GOT1L1: variants seen among roughly 807,000 people sequenced by gnomAD.
GOT1L1 encodes the protein glutamic-oxaloacetic transaminase 1 like 1.
A neutral mutation model predicts 43.6 loss-of-function variants in GOT1L1; 38 were observed. The ratio of observed to expected loss-of-function variants is 0.87; its 90% CI spans 0.67 to 1.14. GOT1L1 has a LOEUF of 1.14. GOT1L1 is among the 50% of genes most tolerant of loss of function. The pLI is 0.00. For missense variants in GOT1L1, 482 were observed against 504.0 expected, an observed-to-expected ratio of 0.96 and a Z score of 0.42; for synonymous variants, 183 against 187.2, an observed-to-expected ratio of 0.98 and a Z score of 0.18.
chr8:37,937,583 G>A, intron 3 of GOT1L1, 55 bp downstream of exon 3: 3 of 1,291,266 alleles, frequency 2.3e-6, no homozygotes, highest in Non-Finnish European at 3.3e-6. Context: ...AATGGGGTGA[G>A]GATTAGGAAC....
chr8:37,939,996 G>A lies in GOT1L1; in HGVS notation c.34C>T (p.Leu12Phe). 1 of 1,613,442 alleles carries A rather than the reference G, an allele frequency of 6.2e-7. No individual in the cohort carries two copies. Among genetic ancestry groups the A allele is most frequent in the Non-Finnish European group, 8.5e-7 (1 of 1,179,524 alleles). ...PTLSVFMDVP[L>F]AHKLEGSLLK... ...AAGCTGCCCTCTAGCTTGTGGGCGA[G>A]GGGCACATCCATGAACACTGAAAGG... Residue 12 changes from leucine (L) to phenylalanine (F), a missense_variant, in exon 1 of 9, where the codon CTC becomes TTC. Coordinates refer to ENST00000307599, the MANE Select transcript of GOT1L1 (RefSeq NM_152413.3).
rs1184969475 is a variant in GOT1L1, at chr8:37,939,432, ATATATATATATAT to A, written c.115+470_115+482del. Among the ~76,000 whole-genome samples, 483 of 65,484 alleles carry A rather than the reference ATATATATATATAT, an allele frequency of 7.4e-3. 46 individuals are homozygous for A. Among genetic ancestry groups the A allele is most frequent in the African/African-American group, 0.022 (346 of 16,000 alleles). The allele number at this position is 65,484 out of a possible 152,430, so 43.0% of individuals were successfully genotyped here. On this transcript the variant is annotated intron_variant, in intron 1 of 8. Coordinates refer to ENST00000307599, the MANE Select transcript of GOT1L1 (RefSeq NM_152413.3). ...CTGTCTCAAGAAAAAAAAAAAAAAA[ATATATATATATAT>A]ATATATATATATATATATATATATA...
chr8:37,939,416 G>GAAA (rs4058283), intron 1 of GOT1L1, among the ~76,000 whole-genome samples: 253 of 21,326 alleles, frequency 0.012, 19 homozygotes, highest in Admixed American at 0.021. Context: ...CCTGTCTCAA[G>GAAA]AAAAAAAAAA....
At chr8:37,939,435 T>A (rs374305524) in intron 1 of GOT1L1, among the ~76,000 whole-genome samples, 1,396 of 19,300 alleles carry the variant, frequency 0.072, 140 homozygotes, top group East Asian at 0.17. Flanking sequence ...AAAAAAAATA[T>A]ATATATATAT....
intron 4 of GOT1L1, 50 bp downstream of exon 4, chr8:37,937,227 T>G (rs1411743810): frequency 7.7e-7 from 1 of 1,306,326 alleles, no homozygotes; most frequent in Non-Finnish European, 1.1e-6. Flanking sequence ...AGAGGAACAT[T>G]AGGCTGTAAG....
At position 37,937,271 on chromosome 8, in the gene GOT1L1, C is replaced by T. The variant is rs981011405; in HGVS notation, c.519+6G>A. 1 of 1,573,404 alleles carries T rather than the reference C, an allele frequency of 6.4e-7. No homozygotes were observed. Among genetic ancestry groups the T allele is most frequent in the African/African-American group, 1.4e-5 (1 of 73,934 alleles). ...AGGGAGGAGTTTCTGAGCGGGGCCCCTCTACCTCCACCACATTGAGGAGTA... is the reference window on the plus strand; with the variant it reads ...AGGGAGGAGTTTCTGAGCGGGGCCCTTCTACCTCCACCACATTGAGGAGTA... On this transcript the variant is annotated splice_donor_region_variant and intron_variant, in intron 4 of 8. Coordinates refer to ENST00000307599, the MANE Select transcript of GOT1L1 (RefSeq NM_152413.3).
At chr8:37,939,431 A>ATATATATAT (rs1554537597) in intron 1 of GOT1L1, among the ~76,000 whole-genome samples, 9 of 41,680 alleles carry the variant, frequency 2.2e-4, no homozygotes, top group Admixed American at 3.0e-4. Flanking sequence ...AAAAAAAAAA[A>ATATATATAT]ATATATATAT....
chr8:37,939,826 C>T, intron 1 of GOT1L1, 89 bp downstream of exon 1: 1 of 1,322,738 alleles, frequency 7.6e-7, no homozygotes, highest in African/African-American at 1.5e-5. Context: ...GCTTGGGCTG[C>T]ACCCCTCCCC....
chr8:37,938,693 T>C lies in GOT1L1; in HGVS notation c.297+7A>G. 8 of 1,568,960 alleles carry C rather than the reference T, an allele frequency of 5.1e-6. No homozygotes were observed. The highest frequency in any genetic ancestry group is 6.9e-6 in the Non-Finnish European group (8 of 1,154,950). On this transcript the variant is annotated splice_region_variant and intron_variant, in intron 2 of 8. Transcript: ENST00000307599. ...TAAATGAGCCAGGGGAGGGCCCACC[T>C]TCTCACCCTGTTCTCCACAATGGCT...
Position 37,939,431 on chromosome 8 carries a change from A to AAATAT in GOT1L1, c.115+483_115+484insATATT, listed in dbSNP as rs1237987679. 2.1e-3 allele frequency among the ~76,000 whole-genome samples: 88 copies of AAATAT among 41,632 alleles called. 2 individuals are homozygous for AAATAT. Among genetic ancestry groups the AAATAT allele is most frequent in the Non-Finnish European group, 3.1e-3 (67 of 21,872 alleles). The allele number at this position is 41,632 out of a possible 152,430, so 27.3% of individuals were successfully genotyped here. ...CCTGTCTCAAGAAAAAAAAAAAAAA[A>AAATAT]ATATATATATATATATATATATATA... On this transcript the variant is annotated intron_variant, in intron 1 of 8. Transcript: ENST00000307599.
chr8:37,937,003 TC>T lies in GOT1L1; in HGVS notation c.573del (p.Thr192HisfsTer8). On this transcript the variant is annotated frameshift_variant, in exon 5 of 9. Coordinates refer to ENST00000307599, the MANE Select transcript of GOT1L1 (RefSeq NM_152413.3). LOFTEE classifies it high-confidence loss of function. Reference protein sequence around the residue: ...LVMGNIIDCKLTPSGWAKLMS... With the variant: ...LVMGNIIDCKXTPSGWAKLMS... ...ATCAACTTTGCCCACCCACTTGGTG[TC>T]AACTTGCAGTCGATAATGTTCCCCA... is the stretch of plus-strand genomic sequence containing the variant. The T allele has an allele frequency of 6.2e-7, 1 of 1,613,890 alleles. No individual in the cohort carries two copies. The highest frequency in any genetic ancestry group is 8.5e-7 in the Non-Finnish European group (1 of 1,179,890).
intron 8 of GOT1L1, 86 bp downstream of exon 8, chr8:37,934,987 G>T: frequency 6.9e-7 from 1 of 1,443,662 alleles, no homozygotes; most frequent in Non-Finnish European, 9.6e-7. Context: ...GTGAAGCTAG[G>T]AACTGGTCAC....
intron 3 of GOT1L1, 98 bp from the exon 4 acceptor site, chr8:37,937,484 G>A (rs761042189): frequency 8.6e-5 from 86 of 994,844 alleles, no homozygotes; most frequent in Non-Finnish European, 1.3e-4. Context: ...GGCTGAAGGT[G>A]GGACATTAAC....
chr8:37,937,687 T>C lies in GOT1L1; in HGVS notation c.360A>G (p.Arg120=), dbSNP rs1807800551. 1 of 1,613,124 alleles carries C rather than the reference T, an allele frequency of 6.2e-7. No homozygotes were observed. The highest frequency in any genetic ancestry group is 1.7e-5 in the Admixed American group (1 of 59,886). ...CTATACGAGCATCCTTATGCCAAGC[T>C]CTGAGAAACTGGACGCCAAGCTGGA... ...GAFQLGVQFL[R]AWHKDARIVY... The change falls in exon 3 of 9, where the codon AGA becomes AGG. Residue 120 remains arginine, a synonymous_variant. Transcript: ENST00000307599.
intron 1 of GOT1L1, 141 bp downstream of exon 1, chr8:37,939,773 TG>T: frequency 1.3e-6 from 1 of 754,506 alleles, no homozygotes; most frequent in Non-Finnish European, 2.1e-6. Context: ...TTTTCCCCAC[TG>T]GGTAATTCTG....
rs202216080 is a variant in GOT1L1 at position 37,935,768 on chromosome 8, G to C, written c.865C>G (p.Pro289Ala). ...EGLAQALWLN[P>A]PNTGARVITS... ...ATGACACGTGCACCCGTGTTGGGGGGGTTTAGCCACAGGGCCTGGGCTAAT... is the reference window on the plus strand; with the variant it reads ...ATGACACGTGCACCCGTGTTGGGGGCGTTTAGCCACAGGGCCTGGGCTAAT... The change falls in exon 7 of 9, where the codon CCC (proline) becomes GCC (alanine). Residue 289 changes from proline to alanine, a missense_variant. Pro to Ala is a conservative substitution (Grantham distance 27, BLOSUM62 -1). Transcript: ENST00000307599. The C allele has an allele frequency of 2.0e-4, 321 of 1,612,016 alleles. No homozygotes were observed. Among genetic ancestry groups the C allele is most frequent in the African/African-American group, 1.0e-3 (76 of 74,936 alleles).
At chr8:37,938,258 G>A (rs571610646) in intron 2 of GOT1L1, among the ~76,000 whole-genome samples, 10 of 152,192 alleles carry the variant, frequency 6.6e-5, no homozygotes, top group South Asian at 4.1e-4. Context: ...TTAGCTGGGC[G>A]TGATGGCACA....
In GOT1L1 at chr8:37,936,793, G is replaced by C; in HGVS notation, c.690C>G (p.Ile230Met). 1 of 1,613,038 alleles carries C rather than the reference G, an allele frequency of 6.2e-7. No individual in the cohort carries two copies. The highest frequency in any genetic ancestry group is 8.5e-7 in the Non-Finnish European group (1 of 1,179,072). ...YTSDLEEDTR[I>M]LQYFVSQGFE... ...AGCCTTGAGACACAAAGTATTGTAA[G>C]ATTCTAGTATCTTCTTCCAAGTCAC... Residue 230 changes from isoleucine (I) to methionine (M), a missense_variant, in exon 6 of 9, where the codon ATC becomes ATG. Ile to Met is a conservative substitution (Grantham distance 10, BLOSUM62 1). Coordinates refer to ENST00000307599, the MANE Select transcript of GOT1L1 (RefSeq NM_152413.3).
At chr8:37,934,517 G>A (rs778877945) in intron 8 of GOT1L1, 31 bp from the exon 9 acceptor site, 1 of 1,523,878 alleles carries the variant, frequency 6.6e-7, no homozygotes, top group African/African-American at 1.4e-5. Context: ...CAGATCTCGA[G>A]ACTGGCCATC....
Sources: gnomAD v4.1 joint callset for allele counts (sites outside exome capture counted in the v4.1 genomes callset) on GRCh38, gnomAD v4.1.1 for gene constraint, MANE v1.5 for transcripts, NCBI Gene and HGNC (gene_info 2026-07-23, HGNC 2026-07-21) for gene names.